Variants in LONRF3 observed in about 807,000 individuals in gnomAD.
LONRF3 encodes LON peptidase N-terminal domain and RING finger protein 3.
LONRF3 carries 19 observed loss-of-function variants against 51.7 expected under a neutral mutation model. The ratio of observed to expected loss-of-function variants is 0.37; its 90% CI spans 0.26 to 0.54. The LOEUF is 0.54. Ranked by LOEUF, LONRF3 falls within the 20% of genes least tolerant of loss-of-function variation. The probability of loss-of-function intolerance (pLI) is 0.86; values close to 1 mark genes in which losing one functional copy is unlikely to be tolerated. For missense variants in LONRF3, 521 were observed against 623.9 expected, an observed-to-expected ratio of 0.84 and a Z score of 1.76; for synonymous variants, 265 against 257.8, an observed-to-expected ratio of 1.03 and a Z score of -0.27.
At chrX:118,994,496 G>A (rs181136486) in intron 5 of LONRF3, among the ~76,000 whole-genome samples, 12 of 110,166 alleles carry the variant, frequency 1.1e-4, no homozygotes, top group African/African-American at 3.3e-4. Context: ...ATTCGCCACC[G>A]GGTTCAAGCG....
At chrX:118,995,555 G>A (rs909539283) in intron 5 of LONRF3, among the ~76,000 whole-genome samples, 2 of 112,050 alleles carry the variant, frequency 1.8e-5, no homozygotes, top group Non-Finnish European at 3.8e-5. Flanking sequence ...AACAAAAAAT[G>A]TTCTTTGAAA....
intron 2 of LONRF3, among the ~76,000 whole-genome samples, chrX:118,980,804 T>C (rs780382248): frequency 9.0e-6 from 1 of 111,275 alleles, no homozygotes; most frequent in Admixed American, 9.5e-5. Context: ...AGGAACTTGA[T>C]AGTGTGGTGA....
intron 1 of LONRF3, 128 bp downstream of exon 1, chrX:118,975,725 T>TGGGAGGGG: frequency 5.0e-5 from 2 of 40,056 alleles, no homozygotes; most frequent in Non-Finnish European, 9.5e-5. Context: ...CCATGGACTG[T>TGGGAGGGG]GGCGGGGTGG....
At chrX:118,997,803 T>C (rs1923979452) in intron 5 of LONRF3, among the ~76,000 whole-genome samples, 1 of 112,135 alleles carries the variant, frequency 8.9e-6, no homozygotes, top group African/African-American at 3.2e-5. Flanking sequence ...CCCATCAAAA[T>C]ATGGGCTAAG....
chrX:119,006,398 CTTTTTTTT>C (rs1042593971), intron 6 of LONRF3, among the ~76,000 whole-genome samples, 163 bp downstream of exon 6: 25 of 86,723 alleles, frequency 2.9e-4, no homozygotes, highest in African/African-American at 1.2e-3. Context: ...CTCCTGTCTT[CTTTTTTTT>C]TTTTTTTTTT....
At chrX:118,997,319 ATACT>A (rs1923944236) in intron 5 of LONRF3, among the ~76,000 whole-genome samples, 1 of 111,987 alleles carries the variant, frequency 8.9e-6, no homozygotes, top group South Asian at 3.7e-4. Context: ...ATAAACCCAA[ATACT>A]TACAGCCAAC....
At chrX:118,982,597 A>G (rs1922647387) in intron 2 of LONRF3, among the ~76,000 whole-genome samples, 1 of 111,850 alleles carries the variant, frequency 8.9e-6, no homozygotes, top group African/African-American at 3.3e-5. Context: ...CCCTGATTCC[A>G]CAATTTACCA....
chrX:119,012,375 G>A lies in LONRF3; in HGVS notation c.1811+402G>A, dbSNP rs138968527. Reference sequence around the variant, plus strand: ...CCTACCTCATTGGGTTTGCTTGGAAGATTGGTGAGTTAATAATGTACATAA... The same window carrying A: ...CCTACCTCATTGGGTTTGCTTGGAAAATTGGTGAGTTAATAATGTACATAA... On this transcript the variant is annotated intron_variant, in intron 8 of 10. Transcript: ENST00000371628. Among the ~76,000 whole-genome samples, 854 of 110,466 alleles carry A rather than the reference G, an allele frequency of 7.7e-3. 13 individuals are homozygous for A. The highest frequency in any genetic ancestry group is 0.024 in the African/African-American group (730 of 30,393).
In LONRF3 at chrX:119,017,797, A is replaced by G. The variant is rs1321385674; in HGVS notation, c.*107A>G. 3 of 749,078 alleles carry G rather than the reference A, an allele frequency of 4.0e-6. No homozygotes were observed. The highest frequency in any genetic ancestry group is 3.8e-6 in the Non-Finnish European group (2 of 531,910). The allele number at this position is 749,078 out of a possible 1,213,427, so 61.7% of individuals were successfully genotyped here. A position where few individuals can be genotyped will look rare whatever the true frequency, so the allele number is the denominator to read the frequency against. ...AATATCTTAACAGAAGGGGGTGTCA[A>G]ACAGAGGCATCAGCCTGCTGTTGAT... On this transcript the variant is annotated 3_prime_UTR_variant, in exon 11 of 11. Transcript: ENST00000371628.
At chrX:119,006,749 T>C (rs902405544) in intron 6 of LONRF3, among the ~76,000 whole-genome samples, 8 of 110,404 alleles carry the variant, frequency 7.2e-5, no homozygotes, top group African/African-American at 2.3e-4. Context: ...CCACCACGCC[T>C]GGCTAATTTT....
At chrX:119,013,236 G>C in intron 9 of LONRF3, 35 bp downstream of exon 9, 2 of 1,160,866 alleles carry the variant, frequency 1.7e-6, no homozygotes, top group Non-Finnish European at 2.3e-6. Context: ...CCCAAAGCCA[G>C]GCTATCCTTG....
At chrX:119,005,936 A>G (rs755387600) in intron 5 of LONRF3, among the ~76,000 whole-genome samples, 185 bp from the exon 6 acceptor site, 6 of 112,185 alleles carry the variant, frequency 5.3e-5, no homozygotes, top group African/African-American at 1.9e-4. Context: ...TAATAAATGT[A>G]TTTTAATCCA....
intron 5 of LONRF3, among the ~76,000 whole-genome samples, chrX:119,000,153 T>G (rs1924169676): frequency 8.9e-6 from 1 of 112,078 alleles, no homozygotes; most frequent in African/African-American, 3.2e-5. Flanking sequence ...TACCCTCATG[T>G]GTCCTTGGGG....
At chrX:118,977,771 A>G (rs1414433631) in intron 1 of LONRF3, among the ~76,000 whole-genome samples, 2 of 112,318 alleles carry the variant, frequency 1.8e-5, no homozygotes, top group African/African-American at 6.5e-5. Context: ...ACCTTGTCCA[A>G]GTTCATTTAC....
chrX:118,979,485 G>A (rs184596399), intron 2 of LONRF3, among the ~76,000 whole-genome samples: 5 of 110,653 alleles, frequency 4.5e-5, no homozygotes, highest in African/African-American at 1.6e-4. Context: ...AGTAGTGACG[G>A]GGTTTTGCCA....
intron 4 of LONRF3, among the ~76,000 whole-genome samples, 158 bp from the exon 5 acceptor site, chrX:118,990,312 T>C (rs1419123099): frequency 1.8e-5 from 2 of 111,650 alleles, no homozygotes; most frequent in African/African-American, 3.3e-5. Flanking sequence ...CTTCTGAGTG[T>C]CCCATTCTCA....
chrX:118,984,398 A>G (rs1437564870), intron 3 of LONRF3, among the ~76,000 whole-genome samples: 1 of 112,362 alleles, frequency 8.9e-6, no homozygotes, highest in African/African-American at 3.2e-5. Context: ...AGTTAGAAGA[A>G]ACTTATCTTT....
chrX:118,997,474 G>A (rs1436182226), intron 5 of LONRF3, among the ~76,000 whole-genome samples: 1 of 112,365 alleles, frequency 8.9e-6, no homozygotes, highest in African/African-American at 3.2e-5. Context: ...AACTCAAGAT[G>A]GATTAAGGAC....
chrX:118,999,804 T>TCAAAACAAAA (rs769740214), intron 5 of LONRF3, among the ~76,000 whole-genome samples: 1 of 111,664 alleles, frequency 9.0e-6, no homozygotes, highest in Admixed American at 9.5e-5. Flanking sequence ...AAGTGAGACT[T>TCAAAACAAAA]CAAAACAAAA....
Sources: allele counts gnomAD v4.1 joint callset (sites outside exome capture counted in the v4.1 genomes callset), GRCh38; gene constraint gnomAD v4.1.1; transcripts MANE v1.5; gene names NCBI Gene and HGNC (gene_info 2026-07-23, HGNC 2026-07-21).